Variants in ENPP6 observed in about 807,000 individuals in gnomAD.
ENPP6 encodes the protein glycerophosphocholine cholinephosphodiesterase ENPP6.
Under a neutral mutation model 42.0 loss-of-function variants are expected in ENPP6, and 32 were observed. That is an observed-to-expected ratio of 0.76 (90% CI 0.58 to 1.02). The LOEUF is 1.02. ENPP6 is among the 50% of genes least tolerant of loss of function. The probability of loss-of-function intolerance (pLI) is 0.00; values close to 1 mark genes in which losing one functional copy is unlikely to be tolerated. For synonymous variants in ENPP6, 213 were observed against 216.0 expected (o/e 0.99, Z 0.12); for missense variants, 552 against 566.8 (o/e 0.97, Z 0.27).
intron 1 of ENPP6, among the ~76,000 whole-genome samples, chr4:184,193,695 A>C (rs1432145253): frequency 6.6e-6 from 1 of 152,218 alleles, no homozygotes; most frequent in East Asian, 1.9e-4. Context: ...CTATAGATCC[A>C]TATATGGGAT....
At chr4:184,104,014 T>C (rs537700224) in intron 6 of ENPP6, among the ~76,000 whole-genome samples, 97 of 123,678 alleles carry the variant, frequency 7.8e-4, no homozygotes, top group African/African-American at 2.5e-3. Context: ...CTTCTTTTCT[T>C]TTCTTTTCTT....
intron 1 of ENPP6, among the ~76,000 whole-genome samples, chr4:184,198,266 A>G (rs908509323): frequency 6.6e-6 from 1 of 152,208 alleles, no homozygotes; most frequent in African/African-American, 2.4e-5. Context: ...AACAAACACA[A>G]ATCAATGTCT....
intron 7 of ENPP6, among the ~76,000 whole-genome samples, chr4:184,093,640 A>AAATAAT (rs370411138): frequency 0.42 from 55,019 of 132,064 alleles, 11,937 homozygotes; most frequent in South Asian, 0.49. Context: ...CTCTGTCTCA[A>AAATAAT]AATAATAATA....
rs1735771205 is a variant in ENPP6 at position 184,090,576 on chromosome 4, A to G, written c.*601T>C. 6.4e-6 allele frequency: 1 copy of G among 157,076 alleles called. No individual in the cohort carries two copies. The highest frequency in any genetic ancestry group is 2.1e-4 in the South Asian group (1 of 4,876). 9.7% of individuals were successfully genotyped at this position (157,076 alleles called of 1,614,324 possible). Reference sequence around the variant, plus strand: ...TTCTCCAATCCTTAGTGATTTATTTATTTTTTGATTGATTGGTGATCCATG... The same window carrying G: ...TTCTCCAATCCTTAGTGATTTATTTGTTTTTTGATTGATTGGTGATCCATG... On this transcript the variant is annotated 3_prime_UTR_variant, in exon 8 of 8. Coordinates refer to ENST00000296741, the MANE Select transcript of ENPP6 (RefSeq NM_153343.4).
intron 1 of ENPP6, among the ~76,000 whole-genome samples, chr4:184,206,150 C>T (rs1317798579): frequency 6.6e-6 from 1 of 151,558 alleles, no homozygotes; most frequent in Non-Finnish European, 1.5e-5. Flanking sequence ...AAATGCTAAT[C>T]CTGGGGGAAG....
At chr4:184,154,364 A>G (rs1329231919) in intron 1 of ENPP6, among the ~76,000 whole-genome samples, 10 of 152,346 alleles carry the variant, frequency 6.6e-5, no homozygotes, top group Admixed American at 2.0e-4. Flanking sequence ...GAAGTGAGAG[A>G]CGCAAACGCT....
chr4:184,173,810 A>G (rs1310173876), intron 1 of ENPP6, among the ~76,000 whole-genome samples: 3 of 152,188 alleles, frequency 2.0e-5, no homozygotes, highest in Non-Finnish European at 4.4e-5. Context: ...TCTAGTGCAT[A>G]AGGGCTTTAC....
chr4:184,106,602 T>A (rs1426627253), intron 6 of ENPP6, among the ~76,000 whole-genome samples: 2 of 152,130 alleles, frequency 1.3e-5, no homozygotes, highest in African/African-American at 4.8e-5. Context: ...CAAGCTCCCT[T>A]CTCAGAGAGG....
chr4:184,117,943 G>A (rs1420313621), intron 3 of ENPP6, 43 bp from the exon 4 acceptor site: 19 of 1,597,162 alleles, frequency 1.2e-5, no homozygotes, highest in East Asian at 9.0e-5. Context: ...GGAGGCCCCC[G>A]CCAGCTTGCT....
In ENPP6 at chr4:184,217,500, A is replaced by C. The variant is rs1733216215; in HGVS notation, c.241+79T>G. 1.0e-5 allele frequency: 16 copies of C among 1,560,884 alleles called. No homozygotes were observed. The Admixed American group carries it at 2.8e-4, about 28-fold the overall frequency. On this transcript the variant is annotated intron_variant, in intron 1 of 7. Transcript: ENST00000296741. Reference sequence around the variant, plus strand: ...AGAGAATCCAGAGCATTTAAATAAGACTCCAATGCCAGGAGCTCACTGTTC... The same window carrying C: ...AGAGAATCCAGAGCATTTAAATAAGCCTCCAATGCCAGGAGCTCACTGTTC...
chr4:184,155,285 T>C (rs1167887264), intron 1 of ENPP6, among the ~76,000 whole-genome samples: 1 of 152,218 alleles, frequency 6.6e-6, no homozygotes, highest in Non-Finnish European at 1.5e-5. Context: ...ACTTATCTAT[T>C]TCCTTTATTC....
chr4:184,217,507 T>C (rs1733216374), intron 1 of ENPP6, 72 bp downstream of exon 1: 3 of 1,579,142 alleles, frequency 1.9e-6, no homozygotes, highest in Non-Finnish European at 2.6e-6. Context: ...AAGACTCCAA[T>C]GCCAGGAGCT....
rs1288964188 is a variant in ENPP6 at position 184,112,733 on chromosome 4, T to A, written c.932A>T (p.Lys311Met). The change falls in exon 6 of 8, where the codon AAG (lysine) becomes ATG (methionine). Residue 311 changes from lysine to methionine, a missense_variant. Coordinates refer to ENST00000296741, the MANE Select transcript of ENPP6 (RefSeq NM_153343.4). ...KEAIPSRFYYKKGKFVSPLTL... is the reference protein window; with the variant it reads ...KEAIPSRFYYMKGKFVSPLTL... Reference sequence around the variant, plus strand: ...CAAAGGAGAGACAAACTTTCCTTTCTTGTAATAGAACCTGCTTGGGATGGC... The same window carrying A: ...CAAAGGAGAGACAAACTTTCCTTTCATGTAATAGAACCTGCTTGGGATGGC... The A allele has an allele frequency of 6.2e-7, 1 of 1,614,190 alleles. No individual in the cohort carries two copies. The highest frequency in any genetic ancestry group is 8.5e-7 in the Non-Finnish European group (1 of 1,180,034).
chr4:184,176,680 C>G (rs1306668656), intron 1 of ENPP6, among the ~76,000 whole-genome samples: 1 of 152,164 alleles, frequency 6.6e-6, no homozygotes, highest in Non-Finnish European at 1.5e-5. Context: ...GTAGAAGAAC[C>G]TGCTAGAGTT....
intron 1 of ENPP6, among the ~76,000 whole-genome samples, chr4:184,208,561 A>C (rs1471336450): frequency 5.3e-5 from 8 of 151,970 alleles, no homozygotes; most frequent in Non-Finnish European, 8.8e-5. Flanking sequence ...CCACGAGATT[A>C]TAACCCGCAC....
intron 1 of ENPP6, among the ~76,000 whole-genome samples, chr4:184,195,357 A>G (rs1167265380): frequency 6.6e-6 from 1 of 151,840 alleles, no homozygotes; most frequent in Non-Finnish European, 1.5e-5. Context: ...TTCAGCTCCC[A>G]CTCATAAGTG....
intron 6 of ENPP6, among the ~76,000 whole-genome samples, chr4:184,099,350 G>A (rs1735961794): frequency 6.6e-6 from 1 of 152,252 alleles, no homozygotes; most frequent in South Asian, 2.1e-4. Context: ...AATTCCAGCT[G>A]CTACTTTCTA....
intron 6 of ENPP6, among the ~76,000 whole-genome samples, chr4:184,109,072 A>G (rs1014643938): frequency 6.6e-6 from 1 of 152,170 alleles, no homozygotes; most frequent in Admixed American, 6.5e-5. Flanking sequence ...TTAGCTGGGC[A>G]GGGTGGTGGG....
At chr4:184,158,523 T>G (rs1737210757) in intron 1 of ENPP6, among the ~76,000 whole-genome samples, 3 of 152,186 alleles carry the variant, frequency 2.0e-5, no homozygotes, top group Non-Finnish European at 1.5e-5. Context: ...CAATTATAAT[T>G]TATGAGTATT....
Sources: allele counts gnomAD v4.1 joint callset (sites outside exome capture counted in the v4.1 genomes callset), GRCh38; gene constraint gnomAD v4.1.1; transcripts MANE v1.5; gene names NCBI Gene and HGNC (gene_info 2026-07-23, HGNC 2026-07-21).